The following GUSB variants were observed in gnomAD, a reference collection of about 807,000 sequenced individuals.
GUSB encodes glucuronidase beta, also known as beta-glucuronidase.
Under a neutral mutation model 74.6 loss-of-function variants are expected in GUSB, and 51 were observed. The observed-to-expected ratio is 0.68, with a 90% CI of 0.55 to 0.86. GUSB has a LOEUF of 0.86. Ranked by LOEUF, GUSB falls within the 40% of genes least tolerant of loss-of-function variation. GUSB has a pLI of 0.00. For synonymous variants in GUSB, 360 were observed against 348.3 expected (o/e 1.03, Z -0.37); for missense variants, 736 against 853.7 (o/e 0.86, Z 1.72).
chr7:65,974,892 G>A (rs781143), intron 6 of GUSB, 27 bp downstream of exon 6: 15 of 1,611,374 alleles, frequency 9.3e-6, no homozygotes, highest in East Asian at 2.2e-5. Context: ...AAGCAGCCCC[G>A]ACAAGGACCC....
chr7:65,961,728 G>T (rs1038032741), intron 11 of GUSB, among the ~76,000 whole-genome samples: 5 of 152,194 alleles, frequency 3.3e-5, no homozygotes, highest in Admixed American at 2.6e-4. Flanking sequence ...AACTGGCTGG[G>T]CACATTGGCT....
In GUSB at chr7:65,968,007, T is replaced by A. The variant is rs1033956568; in HGVS notation, c.1477-100A>T. On this transcript the variant is annotated intron_variant, in intron 9 of 11. Coordinates refer to ENST00000304895, the MANE Select transcript of GUSB (RefSeq NM_000181.4). The stretch of plus-strand genomic sequence containing the variant: ...CCTCTGGCAGAGAAGGTAAGGGGGA[T>A]GTAATCCCAGCACTCTGGGAGGCTG... The A allele has an allele frequency of 5.0e-6, 5 of 993,202 alleles. No homozygotes were observed. The African/African-American group carries it at 7.9e-5, about 16-fold the overall frequency. The allele number at this position is 993,202 out of a possible 1,614,324, so 61.5% of individuals were successfully genotyped here. A position where few individuals can be genotyped will look rare whatever the true frequency, so the allele number is the denominator to read the frequency against.
chr7:65,965,843 CACTGACCTAG>C (rs1294998094), intron 10 of GUSB, among the ~76,000 whole-genome samples: 3 of 152,116 alleles, frequency 2.0e-5, no homozygotes. Context: ...GTTCTATCAG[CACTGACCTAG>C]ACCCTCTCAA....
Position 65,962,179 on chromosome 7 carries a change from A to C in GUSB, c.1790-1116T>G, listed in dbSNP as rs1033862306. On this transcript the variant is annotated intron_variant, in intron 11 of 11. Coordinates refer to ENST00000304895, the MANE Select transcript of GUSB (RefSeq NM_000181.4). ...GCGCCTAGTGGGAGCCAGGGTCCTG[A>C]CCAGCCACAGGTCCCTGCGTGGGAC... Among the ~76,000 whole-genome samples the C allele has an allele frequency of 2.0e-5, 3 of 152,094 alleles. No homozygotes were observed. In the South Asian group the frequency reaches 6.2e-4, roughly 32 times the overall value.
At chr7:65,974,863 G>A (rs150782923) in intron 6 of GUSB, 56 bp downstream of exon 6, 22 of 1,594,508 alleles carry the variant, frequency 1.4e-5, no homozygotes, top group African/African-American at 2.7e-5. Context: ...CAGGGAAGGC[G>A]AAAGTGGAGG....
chr7:65,964,006 A>C (rs372680218), intron 11 of GUSB: 32 of 405,950 alleles, frequency 7.9e-5, no homozygotes, highest in East Asian at 5.2e-4. Context: ...AAGTAAATCC[A>C]TGATGAGGTC....
rs1414287594 is a variant in GUSB, at chr7:65,974,435, G to A, written c.1251C>T (p.Phe417=). Residue 417 remains phenylalanine (F), a synonymous_variant, in exon 8 of 12, where the codon TTC becomes TTT. Transcript: ENST00000304895. ...GGTGATGCAGAGAAACGTTGTTGAA[G>A]AACTGCCTGCGGGCCAGGAGGGAAG... ...CPGVGLALPQ[F]FNNVSLHHHM... 6.2e-7 allele frequency: 1 copy of A among 1,614,090 alleles called. No individual in the cohort carries two copies. Among genetic ancestry groups the A allele is most frequent in the Non-Finnish European group, 8.5e-7 (1 of 1,180,054 alleles).
At chr7:65,980,185 G>GCTCCCCCC in intron 2 of GUSB, 39 bp downstream of exon 2, 1 of 725,274 alleles carries the variant, frequency 1.4e-6, no homozygotes, top group Non-Finnish European at 2.4e-6. Context: ...CAGCAGCCGT[G>GCTCCCCCC]CCCCCCCACC....
intron 1 of GUSB, among the ~76,000 whole-genome samples, chr7:65,981,162 C>G (rs569978543): frequency 6.6e-6 from 1 of 150,792 alleles, no homozygotes; most frequent in East Asian, 1.9e-4. Context: ...GGCTTGAGGC[C>G]AGGAGTTCGA....
intron 11 of GUSB, among the ~76,000 whole-genome samples, chr7:65,963,298 C>T (rs1232470496): frequency 3.3e-5 from 5 of 152,200 alleles, no homozygotes; most frequent in African/African-American, 1.2e-4. Context: ...TTCCTTCTCA[C>T]CTCATCTTGT....
chr7:65,972,352 G>A (rs1314299420), intron 8 of GUSB, among the ~76,000 whole-genome samples: 2 of 152,080 alleles, frequency 1.3e-5, no homozygotes, highest in Non-Finnish European at 2.9e-5. Context: ...AGTAGAGACA[G>A]GGTTTCAATA....
intron 4 of GUSB, among the ~76,000 whole-genome samples, chr7:65,977,490 C>A (rs1051334048): frequency 2.0e-5 from 3 of 152,056 alleles, no homozygotes; most frequent in Non-Finnish European, 4.4e-5. Context: ...ATAAATTGCT[C>A]TATGGTGCAT....
chr7:65,981,920 C>A (rs1792054471), intron 1 of GUSB, 54 bp downstream of exon 1: 2 of 1,491,758 alleles, frequency 1.3e-6, no homozygotes, highest in Non-Finnish European at 9.1e-7. Flanking sequence ...CCGGGCTCCC[C>A]TACTCCCACC....
intron 11 of GUSB, 36 bp from the exon 12 acceptor site, chr7:65,961,099 A>G (rs779006886): frequency 1.3e-6 from 2 of 1,581,236 alleles, no homozygotes; most frequent in East Asian, 4.5e-5. Flanking sequence ...AGCGATTCAG[A>G]TGTCTTCTGA....
chr7:65,964,793 G>A (rs893708076), intron 10 of GUSB, among the ~76,000 whole-genome samples: 2 of 152,144 alleles, frequency 1.3e-5, no homozygotes, highest in African/African-American at 4.8e-5. Context: ...TTTCAGTCAG[G>A]TGCAGTGGCT....
intron 8 of GUSB, among the ~76,000 whole-genome samples, chr7:65,973,101 C>T (rs1791322274): frequency 6.6e-6 from 1 of 152,160 alleles, no homozygotes; most frequent in Non-Finnish European, 1.5e-5. Context: ...GAAGGTGAGG[C>T]AGGAGGATCA....
rs758677498 is a variant in GUSB at position 65,974,720 on chromosome 7, G to A, written c.1066-16C>T. 2.4e-5 allele frequency: 38 copies of A among 1,612,052 alleles called. No individual in the cohort carries two copies. The highest frequency in any genetic ancestry group is 8.3e-5 in the Admixed American group (5 of 60,012). On this transcript the variant is annotated splice_polypyrimidine_tract_variant and intron_variant, in intron 6 of 11. Coordinates refer to ENST00000304895, the MANE Select transcript of GUSB (RefSeq NM_000181.4). ...TCCCTCGGATCTAGGAGATAGCAGA[G>A]CCAAGTGACCCCTGTCCCTGTCGAA...
intron 8 of GUSB, 103 bp downstream of exon 8, chr7:65,974,192 G>T: frequency 1.8e-6 from 2 of 1,096,036 alleles, no homozygotes; most frequent in Non-Finnish European, 2.8e-6. Flanking sequence ...CTTCCCATTG[G>T]GCTGGACACG....
chr7:65,981,071 T>C (rs527349927), intron 1 of GUSB, among the ~76,000 whole-genome samples: 1 of 152,248 alleles, frequency 6.6e-6, no homozygotes, highest in Non-Finnish European at 1.5e-5. Flanking sequence ...CCCAGCTCTG[T>C]GCAGTGCATG....
Sources: allele counts gnomAD v4.1 joint callset (sites outside exome capture counted in the v4.1 genomes callset), GRCh38; gene constraint gnomAD v4.1.1; transcripts MANE v1.5; gene names NCBI Gene and HGNC (gene_info 2026-07-23, HGNC 2026-07-21).